ZNF573: variants seen among roughly 807,000 people sequenced by gnomAD.
The protein encoded by ZNF573 is zinc finger protein 573.
ZNF573 carries 41 observed loss-of-function variants against 57.4 expected under a neutral mutation model. That is an observed-to-expected ratio of 0.71 (90% CI 0.56 to 0.93). The LOEUF (loss-of-function observed/expected upper bound fraction) is 0.93, where lower values mean the gene tolerates loss of function less well. Among genes scored for constraint, ZNF573 ranks in the 40% least tolerant of loss-of-function variants. The pLI, the probability that ZNF573 is intolerant of heterozygous loss-of-function variation, is 0.00. For synonymous variants in ZNF573, 249 were observed against 261.0 expected (o/e 0.95, Z 0.44); for missense variants, 730 against 794.8 (o/e 0.92, Z 0.98).
intron 4 of ZNF573, among the ~76,000 whole-genome samples, chr19:37,755,046 T>C (rs1384806478): frequency 1.3e-5 from 2 of 152,158 alleles, no homozygotes; most frequent in African/African-American, 4.8e-5. Flanking sequence ...CTCAGCTCAC[T>C]GCAAGCTCCG....
At chr19:37,760,476 TATAAATAATTGA>T (rs1411452978) in intron 4 of ZNF573, among the ~76,000 whole-genome samples, 8 of 152,158 alleles carry the variant, frequency 5.3e-5, no homozygotes, top group Non-Finnish European at 1.2e-4. Flanking sequence ...TCCATATTGA[TATAAATAATTGA>T]ATAAATAGAG....
At chr19:37,759,820 CTAATT>C (rs558025023) in intron 4 of ZNF573, among the ~76,000 whole-genome samples, 5 of 151,886 alleles carry the variant, frequency 3.3e-5, no homozygotes, top group Admixed American at 1.3e-4. Flanking sequence ...TTTCTTTACC[CTAATT>C]TAATAATGGC....
chr19:37,770,005 C>T lies in ZNF573; in HGVS notation c.295G>A (p.Asp99Asn). The T allele has an allele frequency of 6.4e-7, 1 of 1,551,456 alleles. No individual in the cohort carries two copies. The highest frequency in any genetic ancestry group is 1.2e-5 in the South Asian group (1 of 84,052). Residue 99 changes from aspartate to asparagine, a missense_variant and splice_region_variant, in exon 4 of 5, where the codon GAT becomes AAT. Asp to Asn is a conservative substitution (Grantham distance 23, BLOSUM62 1). Coordinates refer to ENST00000536220, the MANE Select transcript of ZNF573 (RefSeq NM_001172690.2). ...MILREETQFT[D>N]LDLQCEIISY... The stretch of plus-strand genomic sequence containing the variant: ...TGATGGTGTCCCCTGCCTTCCTTAC[C>T]TGTGAACTGTGTTTCTTCCCTCAAA...
intron 1 of ZNF573, among the ~76,000 whole-genome samples, chr19:37,776,426 G>A (rs548231909): frequency 2.6e-5 from 4 of 152,188 alleles, no homozygotes; most frequent in Admixed American, 2.0e-4. Context: ...TAATTGGCAA[G>A]CCACGTGTAG....
At chr19:37,774,338 A>C (rs1274869975) in intron 1 of ZNF573, among the ~76,000 whole-genome samples, 3 of 151,720 alleles carry the variant, frequency 2.0e-5, no homozygotes, top group Non-Finnish European at 4.4e-5. Flanking sequence ...ACGGGGTTTC[A>C]CTATGTTGGC....
In ZNF573 at chr19:37,775,792, C is replaced by T. The variant is rs868522357; in HGVS notation, c.-22-2041G>A. On this transcript the variant is annotated intron_variant, in intron 1 of 4. Transcript: ENST00000536220. ...CAGTAGCATTGCTATATACCAACAT[C>T]GGCTAAGCTGAGAATCAAATCAAGA... Among the ~76,000 whole-genome samples the T allele has an allele frequency of 2.6e-4, 38 of 146,422 alleles. 1 individual carries two copies. Among genetic ancestry groups the T allele is most frequent in the Middle Eastern group, 7.0e-3 (2 of 284 alleles).
chr19:37,748,073 G>A (rs113095514), intron 4 of ZNF573, among the ~76,000 whole-genome samples: 1,714 of 152,280 alleles, frequency 0.011, 32 homozygotes, highest in African/African-American at 0.039. Context: ...GGCATGGTCT[G>A]TCAAGACAGT....
At chr19:37,777,707 T>G (rs1420069851) in intron 1 of ZNF573, among the ~76,000 whole-genome samples, 1 of 145,016 alleles carries the variant, frequency 6.9e-6, no homozygotes, top group Non-Finnish European at 1.5e-5. Flanking sequence ...GCCACTGCAC[T>G]CCAGCCTGGC....
intron 4 of ZNF573, among the ~76,000 whole-genome samples, chr19:37,748,399 A>T (rs1021030860): frequency 6.6e-6 from 1 of 152,214 alleles, no homozygotes; most frequent in Admixed American, 6.5e-5. Context: ...AAGTTATTTT[A>T]AAAAAAGTTA....
At chr19:37,740,698 C>G in intron 4 of ZNF573, 1 of 429,886 alleles carries the variant, frequency 2.3e-6, no homozygotes, top group South Asian at 1.7e-5. Context: ...ATCATAGTCC[C>G]TCTTTTCAAC....
intron 1 of ZNF573, among the ~76,000 whole-genome samples, chr19:37,775,142 G>C (rs779198157): frequency 6.6e-6 from 1 of 151,442 alleles, no homozygotes; most frequent in Non-Finnish European, 1.5e-5. Context: ...TCAGCCTCCT[G>C]AGTGGCTGGG....
chr19:37,766,204 GATGAATTA>G (rs1268092790), intron 4 of ZNF573, among the ~76,000 whole-genome samples: 1 of 152,174 alleles, frequency 6.6e-6, no homozygotes, highest in Non-Finnish European at 1.5e-5. Context: ...TGGAATGTCT[GATGAATTA>G]ATACATCCAG....
Position 37,754,445 on chromosome 19 carries a change from G to A in ZNF573, c.296-14251C>T, listed in dbSNP as rs188057434. Among the ~76,000 whole-genome samples the A allele has an allele frequency of 4.3e-3, 651 of 150,974 alleles. 7 individuals carry two copies. The highest frequency in any genetic ancestry group is 0.015 in the African/African-American group (609 of 41,102). ...TGAGGCAGGAGAATCGCTTGAACCC[G>A]GGGGGCAGAGGTTGCAGTGAGCCAA... On this transcript the variant is annotated intron_variant, in intron 4 of 4. Transcript: ENST00000536220.
At chr19:37,749,595 CAAA>C (rs1270692099) in intron 4 of ZNF573, among the ~76,000 whole-genome samples, 1 of 151,844 alleles carries the variant, frequency 6.6e-6, no homozygotes, top group Non-Finnish European at 1.5e-5. Flanking sequence ...GAAAATGCAA[CAAA>C]TAAACAAAAA....
chr19:37,778,244 G>C (rs1216362962), intron 1 of ZNF573, among the ~76,000 whole-genome samples: 1 of 150,008 alleles, frequency 6.7e-6, no homozygotes, highest in African/African-American at 2.4e-5. Flanking sequence ...GGCTGGGTGC[G>C]GTGGCTCACG....
chr19:37,738,491 C>A lies in ZNF573; in HGVS notation c.*1G>T. The A allele has an allele frequency of 6.5e-7, 1 of 1,527,262 alleles. No individual in the cohort carries two copies. Among genetic ancestry groups the A allele is most frequent in the South Asian group, 1.3e-5 (1 of 74,776 alleles). 94.6% of individuals were successfully genotyped at this position (1,527,262 alleles called of 1,614,324 possible). On this transcript the variant is annotated 3_prime_UTR_variant, in exon 5 of 5. Transcript: ENST00000536220. ...ATGGCGCGCTCGTACTCTTTACGGT[C>A]TTACACTTTTATGCTCCTATGAATT...
At chr19:37,761,974 AG>A (rs1316168212) in intron 4 of ZNF573, among the ~76,000 whole-genome samples, 2 of 152,230 alleles carry the variant, frequency 1.3e-5, no homozygotes, top group African/African-American at 4.8e-5. Context: ...AATTATGAAA[AG>A]CATCTCAAAC....
At chr19:37,775,375 A>G (rs189359153) in intron 1 of ZNF573, among the ~76,000 whole-genome samples, 1 of 152,166 alleles carries the variant, frequency 6.6e-6, no homozygotes, top group Non-Finnish European at 1.5e-5. Context: ...AAAAGCTTAC[A>G]GAATATATTC....
At chr19:37,766,528 A>G in intron 4 of ZNF573, among the ~76,000 whole-genome samples, 1 of 152,222 alleles carries the variant, frequency 6.6e-6, no homozygotes, top group East Asian at 1.9e-4. Flanking sequence ...TTCAATTCCT[A>G]ACCTCAAAAT....
Sources: gnomAD v4.1 joint callset for allele counts (sites outside exome capture counted in the v4.1 genomes callset) on GRCh38, gnomAD v4.1.1 for gene constraint, MANE v1.5 for transcripts, NCBI Gene and HGNC (gene_info 2026-07-23, HGNC 2026-07-21) for gene names.